AFAP1L2: variants seen among roughly 807,000 people sequenced by gnomAD.
AFAP1L2 encodes the protein actin filament-associated protein 1-like 2.
AFAP1L2 carries 46 observed loss-of-function variants against 99.3 expected under a neutral mutation model. The observed-to-expected ratio is 0.46, with a 90% CI of 0.37 to 0.59. The LOEUF is 0.59. AFAP1L2 is among the 20% of genes least tolerant of loss of function. The pLI is 0.00. For missense variants in AFAP1L2, 959 were observed against 1,034.9 expected (o/e 0.93, Z 1.01); for synonymous variants, 397 against 419.1 (o/e 0.95, Z 0.64).
At chr10:114,339,231 G>C (rs1443963427) in intron 2 of AFAP1L2, among the ~76,000 whole-genome samples, 1 of 152,210 alleles carries the variant, frequency 6.6e-6, no homozygotes, top group African/African-American at 2.4e-5. Context: ...GGCCGAGGCG[G>C]GCGGATCACG....
At chr10:114,343,646 T>A (rs2049103228) in intron 1 of AFAP1L2, among the ~76,000 whole-genome samples, 1 of 152,142 alleles carries the variant, frequency 6.6e-6, no homozygotes, top group Non-Finnish European at 1.5e-5. Flanking sequence ...AGAGCATGGG[T>A]CACAGGAGCT....
At chr10:114,337,176 G>T (rs1377881202) in intron 2 of AFAP1L2, among the ~76,000 whole-genome samples, 1 of 152,244 alleles carries the variant, frequency 6.6e-6, no homozygotes. Flanking sequence ...TGGAGCAGGG[G>T]GAGATAAGGT....
rs958350064 is a variant in AFAP1L2, at chr10:114,315,689, G to A, written c.483C>T (p.Tyr161=). Residue 161 remains tyrosine (Y), a synonymous_variant, in exon 6 of 19, where the codon TAC becomes TAT. Coordinates refer to ENST00000304129, the MANE Select transcript of AFAP1L2 (RefSeq NM_001001936.3). Reference sequence around the variant, plus strand: ...TGCCGGCCTCCGGCGAGGGCCACTGGTAAGGGGCCGACTTGCCCTTGCTGC... The same window carrying A: ...TGCCGGCCTCCGGCGAGGGCCACTGATAAGGGGCCGACTTGCCCTTGCTGC... ...EDGSKGKSAP[Y]QWPSPEAGIE... 2 of 1,613,794 alleles carry A rather than the reference G, an allele frequency of 1.2e-6. No individual in the cohort carries two copies. Among genetic ancestry groups the A allele is most frequent in the Non-Finnish European group, 1.7e-6 (2 of 1,179,978 alleles).
Position 114,317,002 on chromosome 10 carries a change from C to T in AFAP1L2, c.407-1237G>A, listed in dbSNP as rs181869696. Among the ~76,000 whole-genome samples, 362 of 152,324 alleles carry T rather than the reference C, an allele frequency of 2.4e-3. 2 individuals are homozygous for T. The highest frequency in any genetic ancestry group is 8.5e-3 in the African/African-American group (354 of 41,560). ...TTCCGCATGGCAGTCCTTGTTCTGT[C>T]CCCTTGAGTCAGGCTGAATGACACT... On this transcript the variant is annotated intron_variant, in intron 5 of 18. Coordinates refer to ENST00000304129, the MANE Select transcript of AFAP1L2 (RefSeq NM_001001936.3).
the AFAP1L2 span, chr10:114,286,443 C>T: frequency 1.2e-5 from 20 of 1,612,438 alleles, no homozygotes; most frequent in East Asian, 1.1e-4. Context: ...ATGGTCTACT[C>T]GGATCCTCAG....
intron 15 of AFAP1L2, 150 bp from the exon 16 acceptor site, chr10:114,299,565 TC>T (rs1564779872): frequency 1.2e-6 from 1 of 831,640 alleles, no homozygotes; most frequent in African/African-American, 1.7e-5. Context: ...CCTCTACCTC[TC>T]TGAACTTGTT....
chr10:114,363,467 C>T (rs1046936031), intron 1 of AFAP1L2, among the ~76,000 whole-genome samples: 2 of 152,212 alleles, frequency 1.3e-5, no homozygotes, highest in Non-Finnish European at 2.9e-5. Context: ...GTCGCGGCTC[C>T]AACCAACATT....
At chr10:114,314,920 A>G (rs995609152) in intron 6 of AFAP1L2, among the ~76,000 whole-genome samples, 2 of 152,180 alleles carry the variant, frequency 1.3e-5, no homozygotes, top group African/African-American at 4.8e-5. Context: ...AGGCAGGCAG[A>G]TCACAAAGTC....
intron 1 of AFAP1L2, among the ~76,000 whole-genome samples, chr10:114,399,473 T>C (rs1199486751): frequency 1.3e-5 from 2 of 152,306 alleles, no homozygotes; most frequent in Non-Finnish European, 2.9e-5. Context: ...ACTTCTTTCC[T>C]AAATAAATCC....
chr10:114,282,271 T>C, the AFAP1L2 span, among the ~76,000 whole-genome samples: 3 of 152,204 alleles, frequency 2.0e-5, no homozygotes, highest in African/African-American at 7.2e-5. Flanking sequence ...CCCAAAGTGT[T>C]GGGATTGCAG....
At chr10:114,367,472 G>T (rs563794818) in intron 1 of AFAP1L2, among the ~76,000 whole-genome samples, 42 of 152,128 alleles carry the variant, frequency 2.8e-4, no homozygotes, top group Admixed American at 4.6e-4. Context: ...TCAACATAGG[G>T]CAGTCCAACA....
intron 4 of AFAP1L2, among the ~76,000 whole-genome samples, chr10:114,324,674 C>A (rs1055971230): frequency 1.3e-5 from 2 of 152,192 alleles, no homozygotes; most frequent in Non-Finnish European, 2.9e-5. Flanking sequence ...GCGCCCTCCG[C>A]GTGAGAGGGA....
At chr10:114,390,445 G>A (rs911589503) in intron 1 of AFAP1L2, among the ~76,000 whole-genome samples, 5 of 152,168 alleles carry the variant, frequency 3.3e-5, no homozygotes, top group African/African-American at 7.2e-5. Flanking sequence ...AAAATCGGCC[G>A]GCTGCGGTGG....
the AFAP1L2 span, chr10:114,282,473 T>C: frequency 6.5e-7 from 1 of 1,549,680 alleles, no homozygotes; most frequent in Non-Finnish European, 8.9e-7. Flanking sequence ...GCCCTCCCCT[T>C]ACACCTCTGA....
At chr10:114,373,827 G>A (rs191354946) in intron 1 of AFAP1L2, among the ~76,000 whole-genome samples, 15 of 152,156 alleles carry the variant, frequency 9.9e-5, no homozygotes, top group Admixed American at 9.8e-4. Flanking sequence ...AAGTCTCTAG[G>A]CCTTTGTCAC....
At chr10:114,359,027 T>C (rs916315268) in intron 1 of AFAP1L2, among the ~76,000 whole-genome samples, 2 of 152,202 alleles carry the variant, frequency 1.3e-5, no homozygotes, top group African/African-American at 4.8e-5. Context: ...ATTTTGACCC[T>C]GGTTATTAGT....
At position 114,390,592 on chromosome 10, in the gene AFAP1L2, G is replaced by A. The variant is rs188700639; in HGVS notation, c.16+13848C>T. On this transcript the variant is annotated intron_variant, in intron 1 of 18. Transcript: ENST00000304129. ...AAAAGTTAGCCAGGCATGGTGGCACGCACCTGTAATCCCAGCTACTCAGGA... is the reference window on the plus strand; with the variant it reads ...AAAAGTTAGCCAGGCATGGTGGCACACACCTGTAATCCCAGCTACTCAGGA... 2.1e-4 allele frequency among the ~76,000 whole-genome samples: 32 copies of A among 151,952 alleles called. No individual in the cohort carries two copies. In the East Asian group the frequency reaches 4.6e-3, roughly 22 times the overall value.
At chr10:114,288,989 C>T in the AFAP1L2 span, 4 of 1,614,100 alleles carry the variant, frequency 2.5e-6, no homozygotes, top group East Asian at 8.9e-5. Flanking sequence ...ACCTCTGCCT[C>T]AGTAGGGCCC....
chr10:114,322,678 G>A (rs757996294), intron 5 of AFAP1L2, among the ~76,000 whole-genome samples: 7 of 152,032 alleles, frequency 4.6e-5, no homozygotes, highest in Admixed American at 2.0e-4. Context: ...TTTCTCTCAC[G>A]GAATGTCAGT....
Sources: gnomAD v4.1 joint callset for allele counts (sites outside exome capture counted in the v4.1 genomes callset) on GRCh38, gnomAD v4.1.1 for gene constraint, MANE v1.5 for transcripts, NCBI Gene and HGNC (gene_info 2026-07-23, HGNC 2026-07-21) for gene names.